ABCA9: variants seen among roughly 807,000 people sequenced by gnomAD.
ABCA9 encodes ATP-binding cassette sub-family A member 9.
A neutral mutation model predicts 205.3 loss-of-function variants in ABCA9; 183 were observed. The observed-to-expected ratio is 0.89, with a 90% CI of 0.79 to 1.01. The LOEUF is 1.01. Among genes scored for constraint, ABCA9 ranks in the 50% least tolerant of loss-of-function variants. The probability of loss-of-function intolerance (pLI) is 0.00; values close to 1 mark genes in which losing one functional copy is unlikely to be tolerated. For missense variants in ABCA9, 1,805 were observed against 1,912.4 expected (o/e 0.94, Z 1.05); for synonymous variants, 651 against 683.3 (o/e 0.95, Z 0.74).
In ABCA9 at chr17:69,007,750, C is replaced by G. The variant is rs368671252; in HGVS notation, c.3435+9G>C. ...ATGGTAAAATAATAGGTAGTATATG[C>G]ATACTCACAATTAAGAAGAAAAATG... On this transcript the variant is annotated intron_variant, in intron 25 of 38. Coordinates refer to ENST00000340001, the MANE Select transcript of ABCA9 (RefSeq NM_080283.4). The G allele has an allele frequency of 1.4e-6, 2 of 1,461,456 alleles. No homozygotes were observed. The highest frequency in any genetic ancestry group is 9.6e-7 in the Non-Finnish European group (1 of 1,042,654). 90.5% of individuals were successfully genotyped at this position (1,461,456 alleles called of 1,614,324 possible).
rs2072063201 is a variant in ABCA9 at position 69,056,133 on chromosome 17, A to T, written c.-14+4733T>A. Among the ~76,000 whole-genome samples the T allele has an allele frequency of 2.0e-5, 3 of 152,142 alleles. No homozygotes were observed. The South Asian group carries it at 6.2e-4, about 32-fold the overall frequency. On this transcript the variant is annotated intron_variant, in intron 1 of 38. Coordinates refer to ENST00000340001, the MANE Select transcript of ABCA9 (RefSeq NM_080283.4). ...AGAAAAAGAAAAGCAAATTAAATCC[A>T]AAGAAAGCAAAATAAAAGAAATAGT...
rs2072225179 is a variant in ABCA9, at chr17:69,060,902, T to G, written c.-50A>C. The G allele has an allele frequency of 1.0e-6, 1 of 985,284 alleles. No individual in the cohort carries two copies. Among genetic ancestry groups the G allele is most frequent in the Non-Finnish European group, 1.2e-6 (1 of 829,918 alleles). 61.0% of individuals were successfully genotyped at this position (985,284 alleles called of 1,614,324 possible). ...CTGGAGGAAAAATCTAGAAACACAGTTCATCCATGGGTCTCTGCATGTTCT... is the reference window on the plus strand; with the variant it reads ...CTGGAGGAAAAATCTAGAAACACAGGTCATCCATGGGTCTCTGCATGTTCT... On this transcript the variant is annotated 5_prime_UTR_variant, in exon 1 of 39. Transcript: ENST00000340001.
At chr17:69,003,137 T>C (rs1296685637) in intron 25 of ABCA9, among the ~76,000 whole-genome samples, 2 of 151,770 alleles carry the variant, frequency 1.3e-5, no homozygotes, top group Non-Finnish European at 2.9e-5. Context: ...AATAGTGTTA[T>C]GTGTGAATTT....
chr17:69,048,929 G>A (rs2071809912), intron 3 of ABCA9, among the ~76,000 whole-genome samples: 1 of 152,068 alleles, frequency 6.6e-6, no homozygotes, highest in Non-Finnish European at 1.5e-5. Context: ...TATTGCCCAT[G>A]GGTTTTCAAA....
intron 31 of ABCA9, 108 bp downstream of exon 31, chr17:68,988,919 A>G (rs1345617945): frequency 5.9e-6 from 4 of 673,898 alleles, no homozygotes; most frequent in Non-Finnish European, 1.0e-5. Context: ...TCTTTATTCA[A>G]TGCATAAATC....
At chr17:69,066,866 G>T in the ABCA9 span, among the ~76,000 whole-genome samples, 21 of 152,142 alleles carry the variant, frequency 1.4e-4, no homozygotes, top group African/African-American at 2.2e-4. Context: ...GCTGCCTTAA[G>T]AAATGCTCCT....
intron 1 of ABCA9, chr17:69,051,844 C>T (rs936388199): frequency 1.3e-5 from 2 of 152,134 alleles, no homozygotes; most frequent in South Asian, 2.1e-4. Context: ...ACATGTGATA[C>T]ACATTTTCCA....
At chr17:69,041,372 T>A (rs1344865017) in intron 6 of ABCA9, among the ~76,000 whole-genome samples, 1 of 152,162 alleles carries the variant, frequency 6.6e-6, no homozygotes, top group Non-Finnish European at 1.5e-5. Context: ...ATTTTTAAAA[T>A]CATCTTGGTT....
chr17:69,077,308 T>C, the ABCA9 span, among the ~76,000 whole-genome samples: 1 of 152,184 alleles, frequency 6.6e-6, no homozygotes, highest in Non-Finnish European at 1.5e-5. Flanking sequence ...TTCCATGTAA[T>C]TCCATGATTT....
Position 69,032,280 on chromosome 17 carries a change from T to C in ABCA9, c.1277-4A>G, listed in dbSNP as rs200670678. 4.7e-5 allele frequency: 75 copies of C among 1,612,188 alleles called. No individual in the cohort carries two copies. In the Middle Eastern group the frequency reaches 8.3e-4, roughly 18 times the overall value. ...GAACATCGATGTCCATATTCAGCTA[T>C]GTGAGCAGGAGGCAATTGAATACTG... On this transcript the variant is annotated splice_polypyrimidine_tract_variant and splice_region_variant and intron_variant, in intron 9 of 38. Transcript: ENST00000340001.
rs1555633461 is a variant in ABCA9, at chr17:69,021,697, C to CT, written c.2401+44dup. On this transcript the variant is annotated intron_variant, in intron 18 of 38. Transcript: ENST00000340001. ...TCTTTCGTCCTTCCTTCCTTCCTTC[C>CT]TTTCTTTCTTTCTCCCTTTCTTTCT... 4.0e-6 allele frequency: 5 copies of CT among 1,262,768 alleles called. No individual in the cohort carries two copies. The African/African-American group carries it at 7.6e-5, about 19-fold the overall frequency. 78.2% of individuals were successfully genotyped at this position (1,262,768 alleles called of 1,614,324 possible).
chr17:69,013,213 TC>T (rs1161608923), intron 22 of ABCA9, among the ~76,000 whole-genome samples: 2 of 152,178 alleles, frequency 1.3e-5, no homozygotes, highest in Admixed American at 6.6e-5. Context: ...TATACTTATT[TC>T]CTTTTGTGGG....
chr17:69,068,189 T>A, the ABCA9 span, among the ~76,000 whole-genome samples: 1 of 152,228 alleles, frequency 6.6e-6, no homozygotes, highest in Non-Finnish European at 1.5e-5. Flanking sequence ...ATGTATTTGG[T>A]CATCTAAAAT....
intron 26 of ABCA9, among the ~76,000 whole-genome samples, chr17:68,993,733 CTT>C (rs1232818672): frequency 6.6e-6 from 1 of 152,180 alleles, no homozygotes; most frequent in Non-Finnish European, 1.5e-5. Flanking sequence ...GAAAAGATGA[CTT>C]TTCCACATTG....
chr17:69,015,458 T>C (rs2070551830), intron 22 of ABCA9, among the ~76,000 whole-genome samples: 1 of 152,316 alleles, frequency 6.6e-6, no homozygotes, highest in South Asian at 2.1e-4. Flanking sequence ...CCTCTGGGCA[T>C]CTAAGCAGGC....
At chr17:69,003,851 G>A (rs1003943101) in intron 25 of ABCA9, among the ~76,000 whole-genome samples, 14 of 151,708 alleles carry the variant, frequency 9.2e-5, no homozygotes, top group South Asian at 4.2e-4. Context: ...TTCCCTTCTC[G>A]CTTCATTTCA....
intron 1 of ABCA9, among the ~76,000 whole-genome samples, chr17:69,056,890 T>C (rs888270713): frequency 2.0e-5 from 3 of 152,206 alleles, no homozygotes; most frequent in African/African-American, 4.8e-5. Context: ...ACTTGGTCAA[T>C]AGAGATTTTC....
chr17:69,078,107 T>G, the ABCA9 span, among the ~76,000 whole-genome samples: 1 of 152,090 alleles, frequency 6.6e-6, no homozygotes, highest in African/African-American at 2.4e-5. Flanking sequence ...CTCCCTTTAT[T>G]TTCAAAAGGT....
intron 18 of ABCA9, 171 bp from the exon 19 acceptor site, chr17:69,020,757 C>A: frequency 1.8e-6 from 1 of 567,452 alleles, no homozygotes; most frequent in Non-Finnish European, 3.0e-6. Flanking sequence ...GGGAAAGAAG[C>A]AGAAAGTATT....
Sources: gnomAD v4.1 joint callset for allele counts (sites outside exome capture counted in the v4.1 genomes callset) on GRCh38, gnomAD v4.1.1 for gene constraint, MANE v1.5 for transcripts, NCBI Gene and HGNC (gene_info 2026-07-23, HGNC 2026-07-21) for gene names.